The following COG7 variants were observed in gnomAD, a reference collection of about 807,000 sequenced individuals.
COG7 encodes component of oligomeric golgi complex 7, also known as conserved oligomeric Golgi complex subunit 7.
A neutral mutation model predicts 91.5 loss-of-function variants in COG7; 49 were observed. That is an observed-to-expected ratio of 0.54 (90% CI 0.43 to 0.68). COG7 has a LOEUF of 0.68. Among genes scored for constraint, COG7 ranks in the 30% least tolerant of loss-of-function variants. COG7 has a pLI of 0.00. For missense variants in COG7, 895 were observed against 961.3 expected, an observed-to-expected ratio of 0.93 and a Z score of 0.91; for synonymous variants, 365 against 388.7, an observed-to-expected ratio of 0.94 and a Z score of 0.72.
rs116537178 is a variant in COG7, at chr16:23,395,149, T to C, written c.1888-1802A>G. On this transcript the variant is annotated intron_variant, in intron 14 of 16. Transcript: ENST00000307149. Reference sequence around the variant, plus strand: ...AGAGGTACACAGATGGTAAAATAAATCATTTTTTTCTTTCATGTACTTAGT... The same window carrying C: ...AGAGGTACACAGATGGTAAAATAAACCATTTTTTTCTTTCATGTACTTAGT... Among the ~76,000 whole-genome samples, 431 of 152,256 alleles carry C rather than the reference T, an allele frequency of 2.8e-3. 6 individuals are homozygous for C. The highest frequency in any genetic ancestry group is 9.9e-3 in the African/African-American group (410 of 41,514).
rs1158897472 is a variant in COG7, at chr16:23,403,817, G to C, written c.1680C>G (p.Asn560Lys). 1.2e-6 allele frequency: 2 copies of C among 1,614,110 alleles called. No homozygotes were observed. The highest frequency in any genetic ancestry group is 4.5e-5 in the East Asian group (2 of 44,904). The change falls in exon 13 of 17, where the codon AAC becomes AAG. Residue 560 changes from asparagine (N) to lysine (K), a missense_variant. By Grantham distance (94) the Asn-to-Lys change is moderately conservative. Coordinates refer to ENST00000307149, the MANE Select transcript of COG7 (RefSeq NM_153603.4). ...CTCGAGGTGCAGCCAGCAGGTTGTG[G>C]TTGCTTGACCCTTTTTCCTAAGACA... ...LYTLKEKGSS[N>K]HNLLAAPRAA...
intron 11 of COG7, among the ~76,000 whole-genome samples, chr16:23,407,150 CAAG>C (rs1292869880): frequency 6.6e-6 from 1 of 152,216 alleles, no homozygotes; most frequent in Non-Finnish European, 1.5e-5. Flanking sequence ...TTGAGTTGTT[CAAG>C]AAATGCCTGT....
At chr16:23,393,808 G>A (rs544725564) in intron 14 of COG7, among the ~76,000 whole-genome samples, 189 of 152,184 alleles carry the variant, frequency 1.2e-3, no homozygotes, top group African/African-American at 4.2e-3. Context: ...TTGGGAGGCC[G>A]AGGCGGATGG....
At chr16:23,391,449 G>A (rs1175466026) in intron 16 of COG7, among the ~76,000 whole-genome samples, 1 of 152,220 alleles carries the variant, frequency 6.6e-6, no homozygotes, top group Non-Finnish European at 1.5e-5. Context: ...ACTATGAAAT[G>A]AGCAGGGGTC....
At chr16:23,448,298 C>A (rs1439940129) in intron 1 of COG7, among the ~76,000 whole-genome samples, 2 of 152,184 alleles carry the variant, frequency 1.3e-5, no homozygotes, top group Non-Finnish European at 2.9e-5. Context: ...ATTTCCCCTA[C>A]AAAAGTGTGA....
chr16:23,416,357 T>C (rs1282064932), intron 9 of COG7: 1 of 155,740 alleles, frequency 6.4e-6, no homozygotes, highest in Non-Finnish European at 1.4e-5. Context: ...AGGAACACAT[T>C]CAGGCTCATC....
chr16:23,444,899 C>T lies in COG7; in HGVS notation c.435+149G>A, dbSNP rs994105097. 1.1e-5 allele frequency: 8 copies of T among 750,054 alleles called. No individual in the cohort carries two copies. In the Admixed American group the frequency reaches 1.4e-4, roughly 13 times the overall value. 46.5% of individuals were successfully genotyped at this position (750,054 alleles called of 1,614,324 possible). On this transcript the variant is annotated intron_variant, in intron 3 of 16. Transcript: ENST00000307149. ...GTGCAAGCTAAAGAGGCTGGAAACA[C>T]ACCGAGCAGCTTCAGATCTTCCCCA... is the stretch of plus-strand genomic sequence containing the variant.
chr16:23,419,732 G>A, intron 7 of COG7, among the ~76,000 whole-genome samples: 1 of 123,962 alleles, frequency 8.1e-6, no homozygotes, highest in Non-Finnish European at 1.6e-5. Flanking sequence ...CTGGGTGACA[G>A]AGTAAGACTT....
At chr16:23,427,568 C>T (rs182987160) in intron 6 of COG7, among the ~76,000 whole-genome samples, 2 of 152,110 alleles carry the variant, frequency 1.3e-5, no homozygotes, top group Admixed American at 1.3e-4. Context: ...CATTAGGATG[C>T]GTCACTCTCA....
intron 10 of COG7, chr16:23,412,397 C>T (rs753575415): frequency 1.4e-4 from 22 of 152,316 alleles, no homozygotes; most frequent in South Asian, 6.2e-4. Context: ...ATTAGAAATC[C>T]GGATCATGTT....
At chr16:23,449,604 G>T (rs1339475581) in intron 1 of COG7, among the ~76,000 whole-genome samples, 1 of 151,100 alleles carries the variant, frequency 6.6e-6, no homozygotes, top group African/African-American at 2.4e-5. Context: ...AGCCAGGCAT[G>T]GTGGCGCATG....
chr16:23,410,234 G>A, intron 11 of COG7, 61 bp downstream of exon 11: 1 of 1,411,054 alleles, frequency 7.1e-7, no homozygotes, highest in East Asian at 2.3e-5. Context: ...CTGTGTACTA[G>A]ACCAAGCTCG....
intron 15 of COG7, 107 bp downstream of exon 15, chr16:23,393,126 A>G: frequency 2.5e-6 from 2 of 790,670 alleles, no homozygotes; most frequent in Non-Finnish European, 4.4e-6. Flanking sequence ...TTAAAAAAAA[A>G]CAGGACTTGG....
intron 10 of COG7, chr16:23,413,019 CCAA>C (rs1963591105): frequency 5.2e-6 from 1 of 192,992 alleles, no homozygotes; most frequent in African/African-American, 2.4e-5. Context: ...CCTTTCCAGG[CCAA>C]ATAGCGTTGC....
chr16:23,396,566 C>G (rs1029374369), intron 14 of COG7, among the ~76,000 whole-genome samples: 1 of 151,498 alleles, frequency 6.6e-6, no homozygotes, highest in Non-Finnish European at 1.5e-5. Flanking sequence ...GTAATCCCAG[C>G]TACTCGGAAG....
At chr16:23,399,627 T>G (rs1963342388) in intron 13 of COG7, among the ~76,000 whole-genome samples, 2 of 151,312 alleles carry the variant, frequency 1.3e-5, no homozygotes, top group African/African-American at 2.4e-5. Context: ...CTTCTAGAGC[T>G]CTCGGTGTCA....
chr16:23,388,994 A>G lies in COG7; in HGVS notation c.2239T>C (p.Tyr747His). 6.2e-7 allele frequency: 1 copy of G among 1,613,998 alleles called. No homozygotes were observed. Among genetic ancestry groups the G allele is most frequent in the Non-Finnish European group, 8.5e-7 (1 of 1,179,970 alleles). Residue 747 changes from tyrosine (Y) to histidine (H), a missense_variant, in exon 17 of 17, where the codon TAT becomes CAT. Transcript: ENST00000307149. ...VTLLKTRPED[Y>H]RQVSKGLPRR... ...GGCAGGCCTTTGCTGACCTGTCTAT[A>G]GTCCTCAGGCCTGGTCTTCAGTAGC...
intron 13 of COG7, among the ~76,000 whole-genome samples, chr16:23,401,444 G>C (rs1288128254): frequency 1.3e-5 from 2 of 152,154 alleles, no homozygotes; most frequent in Non-Finnish European, 2.9e-5. Context: ...GGAAAAGGAC[G>C]GGGGAAGCAC....
At chr16:23,435,611 G>A (rs1479209749) in intron 4 of COG7, among the ~76,000 whole-genome samples, 1 of 152,116 alleles carries the variant, frequency 6.6e-6, no homozygotes, top group East Asian at 1.9e-4. Context: ...CGCCACCTCT[G>A]GCTCCTGTCC....
Sources: allele counts gnomAD v4.1 joint callset (sites outside exome capture counted in the v4.1 genomes callset), GRCh38; gene constraint gnomAD v4.1.1; transcripts MANE v1.5; gene names NCBI Gene and HGNC (gene_info 2026-07-23, HGNC 2026-07-21).